The following GBE1 variants were observed in gnomAD, a reference collection of about 807,000 sequenced individuals.
GBE1 encodes the protein 1,4-alpha-glucan-branching enzyme.
In GBE1, 70 loss-of-function variants were observed where a neutral mutation model predicts 88.8. The ratio of observed to expected loss-of-function variants is 0.79; its 90% CI spans 0.65 to 0.96. GBE1 has a LOEUF of 0.96. Among genes scored for constraint, GBE1 ranks in the 40% least tolerant of loss-of-function variants. The pLI, the probability that GBE1 is intolerant of heterozygous loss-of-function variation, is 0.00. For missense variants in GBE1, 872 were observed against 871.0 expected, an observed-to-expected ratio of 1.00 and a Z score of -0.01; for synonymous variants, 284 against 300.1, an observed-to-expected ratio of 0.95 and a Z score of 0.56.
chr3:81,581,084 T>C (rs1576157630), intron 11 of GBE1, 81 bp downstream of exon 11: 1 of 785,450 alleles, frequency 1.3e-6, no homozygotes, highest in Non-Finnish European at 2.1e-6. Flanking sequence ...GATATGTTTA[T>C]ATTTAAATAT....
intron 7 of GBE1, among the ~76,000 whole-genome samples, chr3:81,600,387 T>C (rs1209931490): frequency 2.6e-5 from 4 of 152,212 alleles, no homozygotes; most frequent in Admixed American, 1.3e-4. Context: ...ATTATGTGTA[T>C]GTATTTATTT....
At chr3:81,678,290 T>C (rs998292450) in intron 2 of GBE1, among the ~76,000 whole-genome samples, 10 of 152,184 alleles carry the variant, frequency 6.6e-5, no homozygotes, top group Non-Finnish European at 1.5e-4. Flanking sequence ...TATAATCCTA[T>C]GGGACCACCT....
At chr3:81,617,610 A>G (rs1190302585) in intron 7 of GBE1, among the ~76,000 whole-genome samples, 1 of 151,942 alleles carries the variant, frequency 6.6e-6, no homozygotes, top group African/African-American at 2.4e-5. Context: ...ATATTGCTGA[A>G]TTGTATTTGC....
chr3:81,751,217 C>T (rs927769991), intron 1 of GBE1, among the ~76,000 whole-genome samples: 2 of 152,208 alleles, frequency 1.3e-5, no homozygotes, highest in South Asian at 4.1e-4. Flanking sequence ...CTCTCAGGAA[C>T]AGTAGAATGC....
chr3:81,735,374 A>G (rs889782794), intron 1 of GBE1, among the ~76,000 whole-genome samples: 1 of 152,160 alleles, frequency 6.6e-6, no homozygotes, highest in Non-Finnish European at 1.5e-5. Flanking sequence ...GTCTTTTGTT[A>G]GTGAAGGGCA....
chr3:81,630,871 A>G (rs931518416), intron 7 of GBE1, among the ~76,000 whole-genome samples: 3 of 152,140 alleles, frequency 2.0e-5, no homozygotes, highest in African/African-American at 7.2e-5. Context: ...TTCCTCTCAG[A>G]AAAGAGCATC....
intron 7 of GBE1, chr3:81,612,317 G>C (rs1471527664): frequency 2.5e-6 from 2 of 808,388 alleles, no homozygotes; most frequent in African/African-American, 3.6e-5. Context: ...TTAATGTTTC[G>C]TCAAATCCAT....
intron 12 of GBE1, among the ~76,000 whole-genome samples, chr3:81,567,383 G>A (rs1703508070): frequency 6.6e-6 from 1 of 152,122 alleles, no homozygotes; most frequent in African/African-American, 2.4e-5. Flanking sequence ...GTTCTCAATT[G>A]CAGGAGCTGA....
In GBE1 at chr3:81,737,426, T is replaced by C. The variant is rs547901076; in HGVS notation, c.143+23949A>G. ...ATTTTTATATATTTATATAAATATA[T>C]ATATTCATTTACTTCAAAATTATAT... is the stretch of plus-strand genomic sequence containing the variant. On this transcript the variant is annotated intron_variant, in intron 1 of 15. Transcript: ENST00000429644. Among the ~76,000 whole-genome samples the C allele has an allele frequency of 8.1e-3, 1,136 of 140,702 alleles. 12 individuals carry two copies. The highest frequency in any genetic ancestry group is 0.01 in the Non-Finnish European group (680 of 66,038). 92.3% of individuals were successfully genotyped at this position (140,702 alleles called of 152,430 possible). A position where few individuals can be genotyped will look rare whatever the true frequency, so the allele number is the denominator to read the frequency against.
At chr3:81,516,381 C>T (rs969416826) in intron 14 of GBE1, among the ~76,000 whole-genome samples, 2 of 151,496 alleles carry the variant, frequency 1.3e-5, no homozygotes, top group African/African-American at 4.8e-5. Flanking sequence ...TTTACTGAGC[C>T]TGTAAGCCCA....
At chr3:81,624,040 A>G (rs966959249) in intron 7 of GBE1, among the ~76,000 whole-genome samples, 19 of 152,266 alleles carry the variant, frequency 1.2e-4, no homozygotes, top group African/African-American at 4.1e-4. Flanking sequence ...GCCCAAGGCT[A>G]GGTAATTTAT....
chr3:81,566,746 A>G (rs1703499852), intron 12 of GBE1, among the ~76,000 whole-genome samples: 1 of 151,982 alleles, frequency 6.6e-6, no homozygotes. Flanking sequence ...ACAAAACCCC[A>G]CTTACAACCA....
At chr3:81,537,173 T>C in intron 12 of GBE1, 78 bp from the exon 13 acceptor site, 1 of 905,210 alleles carries the variant, frequency 1.1e-6, no homozygotes, top group Non-Finnish European at 1.5e-6. Flanking sequence ...TAATTATATG[T>C]TTTTAATGTT....
intron 6 of GBE1, among the ~76,000 whole-genome samples, chr3:81,643,715 C>A (rs1559673840): frequency 1.3e-5 from 2 of 152,168 alleles, no homozygotes; most frequent in Admixed American, 6.6e-5. Context: ...ACTATATGCT[C>A]CTTGAGGGCA....
At chr3:81,667,321 C>T (rs895219114) in intron 3 of GBE1, among the ~76,000 whole-genome samples, 13 of 152,158 alleles carry the variant, frequency 8.5e-5, no homozygotes, top group Non-Finnish European at 1.3e-4. Flanking sequence ...ACTGAAGTTG[C>T]TTATCAGCTA....
chr3:81,671,182 A>T (rs1705184009), intron 2 of GBE1, among the ~76,000 whole-genome samples: 1 of 152,218 alleles, frequency 6.6e-6, no homozygotes, highest in Non-Finnish European at 1.5e-5. Flanking sequence ...TAATTAAATT[A>T]AGACTATAAC....
chr3:81,507,054 C>A (rs1490936920), intron 14 of GBE1, among the ~76,000 whole-genome samples: 1 of 151,976 alleles, frequency 6.6e-6, no homozygotes, highest in African/African-American at 2.4e-5. Flanking sequence ...TGCACTTGTA[C>A]TCCTGAACTT....
intron 11 of GBE1, among the ~76,000 whole-genome samples, chr3:81,578,394 C>T (rs1031482286): frequency 2.6e-5 from 4 of 151,782 alleles, no homozygotes; most frequent in Non-Finnish European, 5.9e-5. Context: ...GCTGACACCT[C>T]ACATTTTCTG....
intron 12 of GBE1, among the ~76,000 whole-genome samples, chr3:81,544,197 G>A (rs111816310): frequency 6.6e-6 from 1 of 152,080 alleles, no homozygotes; most frequent in East Asian, 1.9e-4. Flanking sequence ...CTAAGTTAAA[G>A]GAAGCATTTT....
Sources: allele counts gnomAD v4.1 joint callset (sites outside exome capture counted in the v4.1 genomes callset), GRCh38; gene constraint gnomAD v4.1.1; transcripts MANE v1.5; gene names NCBI Gene and HGNC (gene_info 2026-07-23, HGNC 2026-07-21).